The following DPP4 variants were observed in gnomAD, a reference collection of about 807,000 sequenced individuals.
The protein encoded by DPP4 is dipeptidyl peptidase 4, also known as ADCP-2.
A neutral mutation model predicts 122.4 loss-of-function variants in DPP4; 93 were observed. The ratio of observed to expected loss-of-function variants is 0.76; its 90% CI spans 0.64 to 0.90. DPP4 has a LOEUF of 0.90. Ranked by LOEUF, DPP4 falls within the 40% of genes least tolerant of loss-of-function variation. The pLI, the probability that DPP4 is intolerant of heterozygous loss-of-function variation, is 0.00. For missense variants in DPP4, 914 were observed against 907.3 expected, an observed-to-expected ratio of 1.01 and a Z score of -0.09; for synonymous variants, 321 against 302.9, an observed-to-expected ratio of 1.06 and a Z score of -0.62.
At chr2:162,056,270 A>T (rs533332793) in intron 2 of DPP4, among the ~76,000 whole-genome samples, 1 of 152,286 alleles carries the variant, frequency 6.6e-6, no homozygotes, top group East Asian at 1.9e-4. Flanking sequence ...CACTGATTTT[A>T]TTTTGTTTCA....
At chr2:162,034,453 G>A (rs1360233784) in intron 9 of DPP4, among the ~76,000 whole-genome samples, 2 of 151,314 alleles carry the variant, frequency 1.3e-5, no homozygotes, top group African/African-American at 2.4e-5. Flanking sequence ...TGAGTGAGTT[G>A]GTAAAAATAA....
At chr2:162,039,897 T>C (rs1306524121) in intron 5 of DPP4, among the ~76,000 whole-genome samples, 1 of 151,800 alleles carries the variant, frequency 6.6e-6, no homozygotes, top group East Asian at 1.9e-4. Flanking sequence ...TCGAAAAGAC[T>C]AGTAAAATTG....
chr2:162,055,671 CAA>C (rs372057652), intron 2 of DPP4, among the ~76,000 whole-genome samples: 2,373 of 113,594 alleles, frequency 0.021, 27 homozygotes, highest in East Asian at 0.047. Flanking sequence ...AACTCTGTCT[CAA>C]AAAAAAAAAA....
chr2:162,011,772 C>T, intron 20 of DPP4, 21 bp downstream of exon 20: 1 of 1,607,990 alleles, frequency 6.2e-7, no homozygotes. Flanking sequence ...TGACCTTTGA[C>T]TTCATCTCCT....
chr2:162,047,148 A>C, intron 3 of DPP4, 142 bp from the exon 4 acceptor site: 1 of 553,244 alleles, frequency 1.8e-6, no homozygotes, highest in Non-Finnish European at 3.2e-6. Flanking sequence ...TATTATACTA[A>C]CATTCATTCA....
At chr2:162,054,941 C>G (rs938077716) in intron 2 of DPP4, among the ~76,000 whole-genome samples, 2 of 152,054 alleles carry the variant, frequency 1.3e-5, no homozygotes, top group Non-Finnish European at 2.9e-5. Context: ...TAAGAAGCAC[C>G]TGTAGATATG....
intron 4 of DPP4, among the ~76,000 whole-genome samples, chr2:162,046,128 A>G (rs1312554647): frequency 6.6e-6 from 1 of 152,222 alleles, no homozygotes; most frequent in East Asian, 1.9e-4. Context: ...CTGGTGACAC[A>G]GTGGCTGAAA....
Position 161,995,038 on chromosome 2 carries a change from C to A in DPP4, c.2126-4G>T, listed in dbSNP as rs1700965266. On this transcript the variant is annotated splice_polypyrimidine_tract_variant and splice_region_variant and intron_variant, in intron 24 of 25. Coordinates refer to ENST00000360534, the MANE Select transcript of DPP4 (RefSeq NM_001935.4). The stretch of plus-strand genomic sequence containing the variant: ...GACTGCTGAAAGTGAACGTTATCTG[C>A]AGGGAGAGAAAGGAAACATAAAGTA... 6.2e-7 allele frequency: 1 copy of A among 1,613,758 alleles called. No individual in the cohort carries two copies. The highest frequency in any genetic ancestry group is 8.5e-7 in the Non-Finnish European group (1 of 1,179,926).
chr2:162,017,113 T>A lies in DPP4; in HGVS notation c.1463A>T (p.Asp488Val), dbSNP rs770446040. 6.2e-7 allele frequency: 1 copy of A among 1,612,012 alleles called. No individual in the cohort carries two copies. Among genetic ancestry groups the A allele is most frequent in the East Asian group, 2.2e-5 (1 of 44,864 alleles). Residue 488 changes from aspartate to valine, a missense_variant, in exon 17 of 26, where the codon GAT becomes GTT. By Grantham distance (152) the Asp-to-Val change is radical. Transcript: ENST00000360534. Reference sequence around the variant, plus strand: ...AGTAAAATATGAGAAAATACCTTTATCATTCACGCTGCTGTGTAGAGTATA... The same window carrying A: ...AGTAAAATATGAGAAAATACCTTTAACATTCACGCTGCTGTGTAGAGTATA... ...PLYTLHSSVN[D>V]KGLRVLEDNS...
At chr2:161,998,564 A>C (rs764190594) in intron 23 of DPP4, among the ~76,000 whole-genome samples, 12 of 152,322 alleles carry the variant, frequency 7.9e-5, no homozygotes, top group Non-Finnish European at 1.6e-4. Flanking sequence ...AACCTCCCTG[A>C]GCCATGAAAC....
At chr2:162,044,570 T>C (rs969393335) in intron 5 of DPP4, among the ~76,000 whole-genome samples, 5 of 152,182 alleles carry the variant, frequency 3.3e-5, no homozygotes, top group African/African-American at 1.2e-4. Context: ...TCCCCAGCTT[T>C]GTATTTTGCT....
intron 8 of DPP4, among the ~76,000 whole-genome samples, chr2:162,037,265 T>G (rs1323767848): frequency 6.6e-6 from 1 of 152,198 alleles, no homozygotes; most frequent in African/African-American, 2.4e-5. Flanking sequence ...GGCCAGCTGT[T>G]TCTGAGAGAG....
intron 2 of DPP4, chr2:162,073,193 A>G: frequency 2.1e-6 from 1 of 481,886 alleles, no homozygotes; most frequent in Non-Finnish European, 3.8e-6. Flanking sequence ...GAAAGCCGCA[A>G]GAGTTTCAGC....
chr2:162,005,220 T>C (rs1193052517), intron 23 of DPP4, among the ~76,000 whole-genome samples: 1 of 152,162 alleles, frequency 6.6e-6, no homozygotes, highest in Non-Finnish European at 1.5e-5. Flanking sequence ...AACCAGCCTG[T>C]TGGATGCTAT....
chr2:162,001,570 C>T (rs1046996385), intron 23 of DPP4, among the ~76,000 whole-genome samples: 2 of 152,302 alleles, frequency 1.3e-5, no homozygotes, highest in African/African-American at 2.4e-5. Flanking sequence ...ATGATTAAAA[C>T]GCCAGGCACC....
rs1359190277 is a variant in DPP4, at chr2:162,034,032, C to G, written c.775-379G>C. Among the ~76,000 whole-genome samples, 3 of 151,822 alleles carry G rather than the reference C, an allele frequency of 2.0e-5. No homozygotes were observed. In the South Asian group the frequency reaches 6.3e-4, roughly 32 times the overall value. On this transcript the variant is annotated intron_variant, in intron 9 of 25. Transcript: ENST00000360534. The stretch of plus-strand genomic sequence containing the variant: ...TATTATTTGCAAATATACCCTGTCT[C>G]CCTGAGACCAAAAGTCTTTGATGCC...
At position 161,993,100 on chromosome 2, in the gene DPP4, G is replaced by T; in HGVS notation, c.*183C>A. ...TCAAACTTCTGTAAGGTAATAATCT[G>T]TTGTGAAGACAGAAGTCCCTACTTA... On this transcript the variant is annotated 3_prime_UTR_variant, in exon 26 of 26. Coordinates refer to ENST00000360534, the MANE Select transcript of DPP4 (RefSeq NM_001935.4). The T allele has an allele frequency of 1.8e-6, 1 of 542,732 alleles. No homozygotes were observed. The highest frequency in any genetic ancestry group is 3.3e-6 in the Non-Finnish European group (1 of 301,518). The allele number at this position is 542,732 out of a possible 1,614,324, so 33.6% of individuals were successfully genotyped here. A position where few individuals can be genotyped will look rare whatever the true frequency, so the allele number is the denominator to read the frequency against.
At chr2:162,027,176 C>A (rs1038369976) in intron 10 of DPP4, among the ~76,000 whole-genome samples, 1 of 152,022 alleles carries the variant, frequency 6.6e-6, no homozygotes, top group Non-Finnish European at 1.5e-5. Context: ...CATGGCAAAA[C>A]CCTGACTCTA....
chr2:162,073,730 C>T, intron 1 of DPP4: 1 of 683,750 alleles, frequency 1.5e-6, no homozygotes, highest in Non-Finnish European at 2.5e-6. Context: ...TGCCCGGGTT[C>T]GGGCGTGCGT....
Sources: gnomAD v4.1 joint callset for allele counts (sites outside exome capture counted in the v4.1 genomes callset) on GRCh38, gnomAD v4.1.1 for gene constraint, MANE v1.5 for transcripts, NCBI Gene and HGNC (gene_info 2026-07-23, HGNC 2026-07-21) for gene names.